SYT12: variants seen among roughly 807,000 people sequenced by gnomAD.
SYT12 encodes synaptotagmin-12.
Under a neutral mutation model 39.5 loss-of-function variants are expected in SYT12, and 27 were observed. The observed-to-expected ratio is 0.68, with a 90% CI of 0.50 to 0.94. The LOEUF (loss-of-function observed/expected upper bound fraction) is 0.94, where lower values mean the gene tolerates loss of function less well. SYT12 is among the 40% of genes least tolerant of loss of function. The pLI is 0.00. For missense variants in SYT12, 536 were observed against 572.6 expected, an observed-to-expected ratio of 0.94 and a Z score of 0.65; for synonymous variants, 233 against 239.7, an observed-to-expected ratio of 0.97 and a Z score of 0.26.
chr11:67,038,365 A>C (rs1222573508), intron 3 of SYT12, among the ~76,000 whole-genome samples: 2 of 151,804 alleles, frequency 1.3e-5, no homozygotes, highest in African/African-American at 2.4e-5. Flanking sequence ...CGGTTTCACC[A>C]TGTTGGCCAG....
intron 3 of SYT12, among the ~76,000 whole-genome samples, chr11:67,037,366 G>A (rs1279082464): frequency 1.3e-5 from 2 of 152,136 alleles, no homozygotes; most frequent in Non-Finnish European, 2.9e-5. Flanking sequence ...GTGGGGAAGA[G>A]TAAATTAAAT....
At chr11:67,027,456 C>A (rs906011422) in intron 1 of SYT12, 1 of 145,128 alleles carries the variant, frequency 6.9e-6, no homozygotes, top group Non-Finnish European at 1.5e-5. Context: ...GCTGAGATCG[C>A]GCCATTGCAT....
chr11:67,045,339 T>C (rs1950596880), intron 6 of SYT12, among the ~76,000 whole-genome samples: 1 of 151,680 alleles, frequency 6.6e-6, no homozygotes, highest in Non-Finnish European at 1.5e-5. Context: ...CCGTGGGCAA[T>C]AGGTGATGGG....
intron 3 of SYT12, among the ~76,000 whole-genome samples, chr11:67,012,863 A>C (rs983404947): frequency 6.6e-6 from 1 of 152,220 alleles, no homozygotes; most frequent in Non-Finnish European, 1.5e-5. Flanking sequence ...TCAGAGATTT[A>C]GCATGAAGTA....
chr11:67,038,108 T>G (rs961560191), intron 3 of SYT12, among the ~76,000 whole-genome samples: 4 of 151,768 alleles, frequency 2.6e-5, no homozygotes, highest in African/African-American at 9.7e-5. Context: ...AGGTTCTTGT[T>G]TTCTCAAATC....
chr11:67,042,347 G>C (rs1232400334), intron 4 of SYT12, among the ~76,000 whole-genome samples: 1 of 152,122 alleles, frequency 6.6e-6, no homozygotes, highest in African/African-American at 2.4e-5. Flanking sequence ...GTTTGGGGAC[G>C]CATTCCTTGA....
intron 3 of SYT12, among the ~76,000 whole-genome samples, chr11:67,036,162 C>T (rs1463790202): frequency 6.6e-6 from 1 of 152,046 alleles, no homozygotes; most frequent in Non-Finnish European, 1.5e-5. Flanking sequence ...AGAGATCTGC[C>T]CGCCTTGGCC....
chr11:67,014,839 G>C (rs900126748), intron 3 of SYT12, among the ~76,000 whole-genome samples: 5 of 152,064 alleles, frequency 3.3e-5, no homozygotes, highest in Non-Finnish European at 5.9e-5. Flanking sequence ...AGGGATCCTC[G>C]TGGCCTCCTT....
chr11:67,033,956 G>A (rs1377892986), intron 2 of SYT12, among the ~76,000 whole-genome samples: 1 of 152,190 alleles, frequency 6.6e-6, no homozygotes, highest in African/African-American at 2.4e-5. Flanking sequence ...CATCAGCAGA[G>A]CAAAAGCCTC....
chr11:67,017,030 T>C (rs1360749170), intron 3 of SYT12, among the ~76,000 whole-genome samples: 2 of 152,198 alleles, frequency 1.3e-5, no homozygotes, highest in Admixed American at 6.6e-5. Flanking sequence ...TAGCTGCAGC[T>C]CTCATTTGCT....
intron 2 of SYT12, chr11:67,030,960 TC>T (rs1950254756): frequency 6.6e-6 from 1 of 152,154 alleles, no homozygotes; most frequent in South Asian, 2.1e-4. Context: ...AGCCCCGTGC[TC>T]CCCATCACTC....
chr11:67,014,911 G>T (rs970076451), intron 3 of SYT12, among the ~76,000 whole-genome samples: 1 of 152,014 alleles, frequency 6.6e-6, no homozygotes, highest in Non-Finnish European at 1.5e-5. Context: ...GTATATGCAG[G>T]GTGGCTGGAA....
chr11:67,039,450 A>C (rs1950454960), intron 3 of SYT12, among the ~76,000 whole-genome samples: 1 of 152,036 alleles, frequency 6.6e-6, no homozygotes, highest in Non-Finnish European at 1.5e-5. Flanking sequence ...CCCCATCTCT[A>C]CTAAAAATAC....
intron 1 of SYT12, among the ~76,000 whole-genome samples, chr11:67,008,345 T>C (rs1472260327): frequency 6.6e-6 from 1 of 152,184 alleles, no homozygotes; most frequent in African/African-American, 2.4e-5. Context: ...TTACTATTGG[T>C]TTGAATCCCA....
In SYT12 at chr11:67,048,653, A is replaced by G. The variant is rs143492137; in HGVS notation, c.1162A>G (p.Ile388Val). 7 of 1,612,844 alleles carry G rather than the reference A, an allele frequency of 4.3e-6. No individual in the cohort carries two copies. Among genetic ancestry groups the G allele is most frequent in the South Asian group, 1.1e-5 (1 of 91,066 alleles). ...CCGTGGGGACAACGTGGGCCATGTCATCATTGGGCCGTCAGCCAGTGGCAT... is the reference window on the plus strand; with the variant it reads ...CCGTGGGGACAACGTGGGCCATGTCGTCATTGGGCCGTCAGCCAGTGGCAT... ...DGRGDNVGHV[I>V]IGPSASGMGT... The change falls in exon 8 of 8, where the codon ATC (isoleucine) becomes GTC (valine). Residue 388 changes from isoleucine (I) to valine (V), a missense_variant. Ile to Val is a conservative substitution (Grantham distance 29). Coordinates refer to ENST00000527043, the MANE Select transcript of SYT12 (RefSeq NM_177963.4).
At chr11:67,033,297 C>T (rs1950304741) in intron 2 of SYT12, among the ~76,000 whole-genome samples, 1 of 152,190 alleles carries the variant, frequency 6.6e-6, no homozygotes, top group South Asian at 2.1e-4. Flanking sequence ...GGAGGCCTTC[C>T]TGGGCTGCTC....
intron 1 of SYT12, chr11:67,027,118 AC>A (rs1318226133): frequency 6.6e-6 from 1 of 152,096 alleles, no homozygotes; most frequent in Non-Finnish European, 1.5e-5. Context: ...TCAGGATGAC[AC>A]CCTCTAGGAG....
At chr11:67,017,360 A>ATTT (rs11444184) in intron 3 of SYT12, among the ~76,000 whole-genome samples, 9 of 139,516 alleles carry the variant, frequency 6.5e-5, no homozygotes, top group Non-Finnish European at 7.8e-5. Flanking sequence ...CATTTCTACA[A>ATTT]TTTTTTTTTT....
intron 4 of SYT12, among the ~76,000 whole-genome samples, chr11:67,042,502 G>A (rs993467348): frequency 1.3e-5 from 2 of 152,178 alleles, no homozygotes; most frequent in Non-Finnish European, 2.9e-5. Context: ...TGAGGAAACC[G>A]AGGCTCGGGA....
Sources: gnomAD v4.1 joint callset for allele counts (sites outside exome capture counted in the v4.1 genomes callset) on GRCh38, gnomAD v4.1.1 for gene constraint, MANE v1.5 for transcripts, NCBI Gene and HGNC (gene_info 2026-07-23, HGNC 2026-07-21) for gene names.